SEMA5A: variants seen among roughly 807,000 people sequenced by gnomAD.
SEMA5A encodes the protein semaphorin-5A.
A neutral mutation model predicts 135.5 loss-of-function variants in SEMA5A; 55 were observed. The ratio of observed to expected loss-of-function variants is 0.41; its 90% CI spans 0.33 to 0.51. SEMA5A has a LOEUF of 0.51. SEMA5A is among the 20% of genes least tolerant of loss of function. The probability of loss-of-function intolerance (pLI) is 0.37; values close to 1 mark genes in which losing one functional copy is unlikely to be tolerated. For missense variants in SEMA5A, 1,290 were observed against 1,419.9 expected, an observed-to-expected ratio of 0.91 and a Z score of 1.47; for synonymous variants, 580 against 546.5, an observed-to-expected ratio of 1.06 and a Z score of -0.85.
chr5:9,365,688 G>C (rs1314830386), intron 3 of SEMA5A, among the ~76,000 whole-genome samples: 1 of 152,042 alleles, frequency 6.6e-6, no homozygotes, highest in Non-Finnish European at 1.5e-5. Context: ...TACACCTAGA[G>C]GCAGCCACAC....
intron 16 of SEMA5A, among the ~76,000 whole-genome samples, chr5:9,094,599 AT>A (rs1739220516): frequency 6.6e-6 from 1 of 152,184 alleles, no homozygotes; most frequent in South Asian, 2.1e-4. Context: ...TGAGAGGCTT[AT>A]TGTTCCAGAG....
intron 2 of SEMA5A, among the ~76,000 whole-genome samples, chr5:9,409,035 C>T (rs897242415): frequency 1.3e-5 from 2 of 152,086 alleles, no homozygotes; most frequent in East Asian, 1.9e-4. Flanking sequence ...AAACTAAGAC[C>T]TGAGAAAGGG....
chr5:9,266,670 G>A (rs1376359613), intron 5 of SEMA5A, among the ~76,000 whole-genome samples: 1 of 152,086 alleles, frequency 6.6e-6, no homozygotes, highest in African/African-American at 2.4e-5. Context: ...TCTTTTGATG[G>A]GACAAAGTAA....
At chr5:9,192,977 G>A (rs1465053791) in intron 10 of SEMA5A, among the ~76,000 whole-genome samples, 1 of 152,164 alleles carries the variant, frequency 6.6e-6, no homozygotes, top group Non-Finnish European at 1.5e-5. Context: ...GGAGTTCTCG[G>A]TGGCAGGGGT....
At chr5:9,120,742 G>A (rs1454877109) in intron 14 of SEMA5A, among the ~76,000 whole-genome samples, 1 of 151,792 alleles carries the variant, frequency 6.6e-6, no homozygotes, top group Non-Finnish European at 1.5e-5. Context: ...AAATTTGTTT[G>A]GAAACTCTTC....
chr5:9,454,229 C>T (rs893224038), intron 1 of SEMA5A, among the ~76,000 whole-genome samples: 4 of 152,184 alleles, frequency 2.6e-5, no homozygotes, highest in Admixed American at 6.5e-5. Flanking sequence ...CTGGCTGTGA[C>T]TCATGGGACT....
At chr5:9,329,605 A>C (rs1301494982) in intron 4 of SEMA5A, among the ~76,000 whole-genome samples, 1 of 152,254 alleles carries the variant, frequency 6.6e-6, no homozygotes, top group Non-Finnish European at 1.5e-5. Context: ...GATGAACCCC[A>C]TGTGGACCTG....
intron 3 of SEMA5A, among the ~76,000 whole-genome samples, chr5:9,374,777 A>C: frequency 6.7e-6 from 1 of 150,190 alleles, no homozygotes; most frequent in African/African-American, 2.5e-5. Flanking sequence ...ATCTTCAGGA[A>C]CTCCTTCCTC....
At chr5:9,160,784 T>C (rs1743210637) in intron 11 of SEMA5A, among the ~76,000 whole-genome samples, 1 of 152,098 alleles carries the variant, frequency 6.6e-6, no homozygotes, top group African/African-American at 2.4e-5. Context: ...TCTGAGTCAT[T>C]AGGAAAATGA....
chr5:9,348,518 C>T (rs1373831364), intron 3 of SEMA5A, among the ~76,000 whole-genome samples: 1 of 152,130 alleles, frequency 6.6e-6, no homozygotes, highest in Non-Finnish European at 1.5e-5. Context: ...TTGAGTCACC[C>T]ATAGGAAACT....
chr5:9,300,501 T>C (rs936385610), intron 5 of SEMA5A, among the ~76,000 whole-genome samples: 1 of 152,202 alleles, frequency 6.6e-6, no homozygotes, highest in Non-Finnish European at 1.5e-5. Flanking sequence ...AGTAGCCTTA[T>C]GTCACCATGG....
intron 5 of SEMA5A, among the ~76,000 whole-genome samples, chr5:9,300,669 A>C (rs1363098741): frequency 1.3e-5 from 2 of 152,210 alleles, no homozygotes; most frequent in Non-Finnish European, 2.9e-5. Context: ...AAAGGATCTT[A>C]GCAAATGTAA....
chr5:9,467,748 G>A (rs1468831613), intron 1 of SEMA5A, among the ~76,000 whole-genome samples: 1 of 152,178 alleles, frequency 6.6e-6, no homozygotes, highest in African/African-American at 2.4e-5. Context: ...GTGGGTGGAA[G>A]GTCTAGGCAG....
intron 17 of SEMA5A, among the ~76,000 whole-genome samples, chr5:9,063,651 G>T (rs1380006451): frequency 6.6e-6 from 1 of 152,218 alleles, no homozygotes; most frequent in East Asian, 1.9e-4. Context: ...TGTCTGCTCT[G>T]TGGAACTCAT....
In SEMA5A at chr5:9,346,816, G is replaced by T. The variant is rs530579609; in HGVS notation, c.125-9004C>A. ...TCCCTATCACAAGTCCTGGGAAGGGGTCAGGGAAATATCTGGCTTCATACA... is the reference window on the plus strand; with the variant it reads ...TCCCTATCACAAGTCCTGGGAAGGGTTCAGGGAAATATCTGGCTTCATACA... On this transcript the variant is annotated intron_variant, in intron 3 of 22. Coordinates refer to ENST00000382496, the MANE Select transcript of SEMA5A (RefSeq NM_003966.3). Among the ~76,000 whole-genome samples the T allele has an allele frequency of 4.0e-4, 61 of 152,262 alleles. 1 individual carries two copies. The highest frequency in any genetic ancestry group is 4.0e-3 in the Admixed American group (61 of 15,294).
chr5:9,241,247 A>C (rs1017529645), intron 5 of SEMA5A, among the ~76,000 whole-genome samples: 2 of 152,106 alleles, frequency 1.3e-5, no homozygotes, highest in Non-Finnish European at 2.9e-5. Context: ...AACTCACAGA[A>C]GTTTTGCTTT....
chr5:9,201,588 C>T (rs986198833), intron 9 of SEMA5A, among the ~76,000 whole-genome samples: 1 of 152,148 alleles, frequency 6.6e-6, no homozygotes, highest in African/African-American at 2.4e-5. Context: ...TTTCATTATA[C>T]ACAAATGCAT....
At chr5:9,046,413 G>T (rs1451650103) in intron 21 of SEMA5A, among the ~76,000 whole-genome samples, 1 of 152,286 alleles carries the variant, frequency 6.6e-6, no homozygotes, top group African/African-American at 2.4e-5. Context: ...TTTCTGAGCT[G>T]TCTTCCCTGT....
At chr5:9,062,647 G>A (rs976441466) in intron 18 of SEMA5A, among the ~76,000 whole-genome samples, 21 of 152,176 alleles carry the variant, frequency 1.4e-4, no homozygotes, top group Admixed American at 7.8e-4. Flanking sequence ...TGTATTTTTC[G>A]TAGGGATGAG....
Sources: allele counts gnomAD v4.1 joint callset (sites outside exome capture counted in the v4.1 genomes callset), GRCh38; gene constraint gnomAD v4.1.1; transcripts MANE v1.5; gene names NCBI Gene and HGNC (gene_info 2026-07-23, HGNC 2026-07-21).